Variants in INSYN1 observed in about 807,000 individuals in gnomAD.
The protein encoded by INSYN1 is inhibitory synaptic factor 1, also known as UPF0583 protein C15orf59.
Under a neutral mutation model 17.1 loss-of-function variants are expected in INSYN1, and 7 were observed. The ratio of observed to expected loss-of-function variants is 0.41; its 90% CI spans 0.23 to 0.77. The LOEUF (loss-of-function observed/expected upper bound fraction) is 0.77. Ranked by LOEUF, INSYN1 falls within the 30% of genes least tolerant of loss-of-function variation. INSYN1 has a pLI of 0.32. For synonymous variants in INSYN1, 174 were observed against 166.3 expected, an observed-to-expected ratio of 1.05 and a Z score of -0.36; for missense variants, 339 against 400.6, an observed-to-expected ratio of 0.85 and a Z score of 1.31.
chr15:73,750,176 G>A (rs901690050), intron 2 of INSYN1, among the ~76,000 whole-genome samples: 7 of 152,204 alleles, frequency 4.6e-5, no homozygotes, highest in Non-Finnish European at 7.3e-5. Flanking sequence ...TTTTGGACTC[G>A]AACGCAGCAC....
chr15:73,749,588 C>T (rs1018771780), intron 2 of INSYN1, among the ~76,000 whole-genome samples: 2 of 152,150 alleles, frequency 1.3e-5, no homozygotes, highest in African/African-American at 4.8e-5. Context: ...AAGATGGAGG[C>T]AGGGGGAAAA....
chr15:73,739,900 G>T lies in INSYN1; in HGVS notation c.*17C>A. The T allele has an allele frequency of 2.4e-6, 2 of 836,888 alleles. No individual in the cohort carries two copies. The highest frequency in any genetic ancestry group is 1.9e-5 in the African/African-American group (1 of 51,780). 51.8% of individuals were successfully genotyped at this position (836,888 alleles called of 1,614,324 possible). On this transcript the variant is annotated 3_prime_UTR_variant, in exon 3 of 3. Coordinates refer to ENST00000569673, the MANE Select transcript of INSYN1 (RefSeq NM_001039614.3). Reference sequence around the variant, plus strand: ...ATAGCTCTATGTGCCCACCGCCCCCGGCCCCCTCCCCGGCCCCTAGTTTTT... The same window carrying T: ...ATAGCTCTATGTGCCCACCGCCCCCTGCCCCCTCCCCGGCCCCTAGTTTTT...
chr15:73,751,153 C>G lies in INSYN1; in HGVS notation c.-23G>C. On this transcript the variant is annotated 5_prime_UTR_variant, in exon 2 of 3. Transcript: ENST00000569673. ...CATCGTTTACCACGTGGCCGCAGGC[C>G]TGCCCATACTCCCCCCAGCTGGGCA... 1 of 1,612,118 alleles carries G rather than the reference C, an allele frequency of 6.2e-7. No homozygotes were observed. The highest frequency in any genetic ancestry group is 1.1e-5 in the South Asian group (1 of 91,038).
chr15:73,740,151 G>A lies in INSYN1; in HGVS notation c.648C>T (p.Gly216=). 1 of 1,613,942 alleles carries A rather than the reference G, an allele frequency of 6.2e-7. No individual in the cohort carries two copies. The highest frequency in any genetic ancestry group is 8.5e-7 in the Non-Finnish European group (1 of 1,179,920). Residue 216 remains glycine, a synonymous_variant, in exon 3 of 3, where the codon GGC becomes GGT. Coordinates refer to ENST00000569673, the MANE Select transcript of INSYN1 (RefSeq NM_001039614.3). ...GEQEVEEEEV[G]LPPEPAHTEA... The stretch of plus-strand genomic sequence containing the variant: ...CTGTATGGGCAGGCTCAGGGGGCAA[G>A]CCCACTTCTTCCTCCTCCACCTCCT...
At chr15:73,745,665 T>C (rs986292021) in intron 2 of INSYN1, among the ~76,000 whole-genome samples, 6 of 151,692 alleles carry the variant, frequency 4.0e-5, no homozygotes, top group Non-Finnish European at 7.4e-5. Context: ...GTTGGATGAG[T>C]GATGAGTTGA....
At chr15:73,746,456 G>A (rs1303670115) in intron 2 of INSYN1, among the ~76,000 whole-genome samples, 4 of 152,172 alleles carry the variant, frequency 2.6e-5, no homozygotes, top group African/African-American at 9.7e-5. Flanking sequence ...CTGCTTCCTG[G>A]CTGGGCCCCA....
At position 73,738,070 on chromosome 15, in the gene INSYN1, G is replaced by GA. The variant is rs1010485895; in HGVS notation, c.*1846dup. 6.6e-6 allele frequency: 1 copy of GA among 152,292 alleles called. No homozygotes were observed. Among genetic ancestry groups the GA allele is most frequent in the Non-Finnish European group, 1.5e-5 (1 of 68,096 alleles). 9.4% of individuals were successfully genotyped at this position (152,292 alleles called of 1,614,324 possible). On this transcript the variant is annotated 3_prime_UTR_variant, in exon 3 of 3. Coordinates refer to ENST00000569673, the MANE Select transcript of INSYN1 (RefSeq NM_001039614.3). ...TCCCACTCAAAGCCCCTGTGCCCTGGAAATCACTGGACATCTGGGTTGAGG... is the reference window on the plus strand; with the variant it reads ...TCCCACTCAAAGCCCCTGTGCCCTGGAAAATCACTGGACATCTGGGTTGAGG...
intron 2 of INSYN1, among the ~76,000 whole-genome samples, chr15:73,744,002 C>T (rs569098769): frequency 1.3e-5 from 2 of 152,174 alleles, no homozygotes; most frequent in Admixed American, 6.5e-5. Context: ...CCAAGTTACT[C>T]AACGTCTCTG....
At position 73,740,045 on chromosome 15, in the gene INSYN1, A is replaced by G. The variant is rs759781415; in HGVS notation, c.754T>C (p.Ser252Pro). 6.2e-7 allele frequency: 1 copy of G among 1,613,520 alleles called. No homozygotes were observed. The highest frequency in any genetic ancestry group is 1.1e-5 in the South Asian group (1 of 91,046). The stretch of plus-strand genomic sequence containing the variant: ...CGAGTCTGTTCAGGGGCCAAGGTAG[A>G]GCCTGAGTGGCGGCTGGTCAGTGGA... ...RSPLTSRHSG[S>P]TLAPEQTRRV... Residue 252 changes from serine (S) to proline (P), a missense_variant, in exon 3 of 3, where the codon TCT becomes CCT. Ser to Pro is a moderately conservative substitution (Grantham distance 74, BLOSUM62 -1). Coordinates refer to ENST00000569673, the MANE Select transcript of INSYN1 (RefSeq NM_001039614.3).
In INSYN1 at chr15:73,740,409, C is replaced by T. The variant is rs1393541639; in HGVS notation, c.390G>A (p.Ser130=). ...TPSDSVDGPE[S]TRPGAGPDYR... ...AGTCAGGGCCAGCCCCTGGCCGAGT[C>T]GACTCGGGACCATCCACGGAGTCCG... Residue 130 remains serine, a synonymous_variant, in exon 3 of 3, where the codon TCG becomes TCA. Coordinates refer to ENST00000569673, the MANE Select transcript of INSYN1 (RefSeq NM_001039614.3). The T allele has an allele frequency of 8.1e-6, 13 of 1,610,622 alleles. No homozygotes were observed. Among genetic ancestry groups the T allele is most frequent in the African/African-American group, 4.0e-5 (3 of 74,802 alleles).
chr15:73,753,266 C>T lies in INSYN1; in HGVS notation c.-1724G>A, dbSNP rs1902045477. On this transcript the variant is annotated 5_prime_UTR_variant, in exon 1 of 3. Coordinates refer to ENST00000569673, the MANE Select transcript of INSYN1 (RefSeq NM_001039614.3). This position sits in a 1 kb window ranked among gnomAD's most constrained non-coding sequence, Gnocchi z 4.2. ...GCCCGCCCCGCCGCCCCCCGCCGGA[C>T]TGGCCGCCCGGGCGGGCGCTGGCTC... Among the ~76,000 whole-genome samples the T allele has an allele frequency of 6.8e-6, 1 of 147,788 alleles. No homozygotes were observed. Among genetic ancestry groups the T allele is most frequent in the South Asian group, 2.1e-4 (1 of 4,808 alleles).
Position 73,739,933 on chromosome 15 carries a change from G to A in INSYN1, c.866C>T (p.Ala289Val). ...CCCCGGCCCCTAGTTTTTCCCCCTG[G>A]CTTTCTGTCTAGTGGCTGTGTAGGG... ...VLPYTATRQKARGKN is the reference protein window; with the variant it reads ...VLPYTATRQKVRGKN Residue 289 changes from alanine (A) to valine (V), a missense_variant, in exon 3 of 3, where the codon GCC becomes GTC. Transcript: ENST00000569673. 1 of 1,592,100 alleles carries A rather than the reference G, an allele frequency of 6.3e-7. No homozygotes were observed. Among genetic ancestry groups the A allele is most frequent in the African/African-American group, 1.4e-5 (1 of 73,484 alleles).
Position 73,751,264 on chromosome 15 carries a change from C to T in INSYN1, c.-134G>A, listed in dbSNP as rs952656027. 5.1e-5 allele frequency: 56 copies of T among 1,098,974 alleles called. No individual in the cohort carries two copies. Among genetic ancestry groups the T allele is most frequent in the African/African-American group, 1.7e-4 (11 of 64,302 alleles). 68.1% of individuals were successfully genotyped at this position (1,098,974 alleles called of 1,614,324 possible). Reference sequence around the variant, plus strand: ...CCCCCCAGCCCACCCTGGCCCTGGGCGGCCCTCAACCAGCCCCTGCCCCCT... The same window carrying T: ...CCCCCCAGCCCACCCTGGCCCTGGGTGGCCCTCAACCAGCCCCTGCCCCCT... On this transcript the variant is annotated 5_prime_UTR_variant, in exon 2 of 3. Transcript: ENST00000569673.
At position 73,738,206 on chromosome 15, in the gene INSYN1, C is replaced by T. The variant is rs555723783; in HGVS notation, c.*1711G>A. 5.1e-4 allele frequency: 77 copies of T among 152,366 alleles called. No individual in the cohort carries two copies. The highest frequency in any genetic ancestry group is 1.8e-3 in the African/African-American group (74 of 41,572). The allele number at this position is 152,366 out of a possible 1,614,324, so 9.4% of individuals were successfully genotyped here. ...GGTGAGGTAGGTGAAGACTACCAGA[C>T]CCATTATACAGAGGAGGTAGATAGG... On this transcript the variant is annotated 3_prime_UTR_variant, in exon 3 of 3. Coordinates refer to ENST00000569673, the MANE Select transcript of INSYN1 (RefSeq NM_001039614.3).
chr15:73,742,993 A>G (rs1395599219), intron 2 of INSYN1, among the ~76,000 whole-genome samples: 1 of 152,234 alleles, frequency 6.6e-6, no homozygotes, highest in Non-Finnish European at 1.5e-5. Context: ...AGCTGGGTGA[A>G]GACCAGCAAT....
chr15:73,751,353 A>G lies in INSYN1; in HGVS notation c.-223T>C. 4 of 568,348 alleles carry G rather than the reference A, an allele frequency of 7.0e-6. 1 individual carries two copies. Among genetic ancestry groups the G allele is most frequent in the Non-Finnish European group, 1.3e-5 (4 of 318,068 alleles). The allele number at this position is 568,348 out of a possible 1,614,324, so 35.2% of individuals were successfully genotyped here. A position where few individuals can be genotyped will look rare whatever the true frequency, so the allele number is the denominator to read the frequency against. ...CACCCAGAGGGAGACAGAGTCTAGC[A>G]GAGGGGGTCAAGGTGAGGACACAGG... On this transcript the variant is annotated 5_prime_UTR_variant, in exon 2 of 3. Transcript: ENST00000569673.
In INSYN1 at chr15:73,751,109, C is replaced by T. The variant is rs767112843; in HGVS notation, c.22G>A (p.Asp8Asn). MNIRGAP[D>N]LGQPSDDPSS... ...GGGTCGTCACTGGGCTGCCCGAGGTCCGGGGCGCCCCGAATGTTCATCGTT... is the reference window on the plus strand; with the variant it reads ...GGGTCGTCACTGGGCTGCCCGAGGTTCGGGGCGCCCCGAATGTTCATCGTT... The change falls in exon 2 of 3, where the codon GAC becomes AAC. Residue 8 changes from aspartate to asparagine, a missense_variant. Coordinates refer to ENST00000569673, the MANE Select transcript of INSYN1 (RefSeq NM_001039614.3). 6.2e-7 allele frequency: 1 copy of T among 1,613,858 alleles called. No individual in the cohort carries two copies. The highest frequency in any genetic ancestry group is 1.1e-5 in the South Asian group (1 of 91,072).
intron 2 of INSYN1, among the ~76,000 whole-genome samples, 165 bp downstream of exon 2, chr15:73,750,810 A>T (rs1901956453): frequency 6.6e-6 from 1 of 152,198 alleles, no homozygotes; most frequent in Admixed American, 6.5e-5. Context: ...GATTTTTAGC[A>T]AAGCAGATTT....
chr15:73,749,301 A>G (rs570580004), intron 2 of INSYN1, among the ~76,000 whole-genome samples: 266 of 152,232 alleles, frequency 1.7e-3, no homozygotes, highest in African/African-American at 5.8e-3. Context: ...ACAAGCCCCT[A>G]TTGCTCTCTG....
Sources: allele counts gnomAD v4.1 joint callset (sites outside exome capture counted in the v4.1 genomes callset), GRCh38; gene constraint gnomAD v4.1.1; non-coding constraint Gnocchi (gnomAD v3.1); transcripts MANE v1.5; gene names NCBI Gene and HGNC (gene_info 2026-07-23, HGNC 2026-07-21).